SPON1: variants seen among roughly 807,000 people sequenced by gnomAD.
SPON1 encodes spondin 1.
In SPON1, 52 loss-of-function variants were observed where a neutral mutation model predicts 111.7. That is an observed-to-expected ratio of 0.47 (90% CI 0.37 to 0.59). The LOEUF is 0.59. SPON1 is among the 20% of genes least tolerant of loss of function. The pLI, the probability that SPON1 is intolerant of heterozygous loss-of-function variation, is 0.00. For synonymous variants in SPON1, 410 were observed against 395.8 expected, an observed-to-expected ratio of 1.04 and a Z score of -0.43; for missense variants, 957 against 1,068.5, an observed-to-expected ratio of 0.90 and a Z score of 1.46.
At chr11:14,217,691 C>T (rs930359822) in intron 6 of SPON1, among the ~76,000 whole-genome samples, 8 of 151,724 alleles carry the variant, frequency 5.3e-5, no homozygotes, top group African/African-American at 1.7e-4. Flanking sequence ...ATTTGTGCCA[C>T]TTATTAGCTC....
chr11:14,180,187 C>G (rs1848222157), intron 6 of SPON1, among the ~76,000 whole-genome samples: 1 of 152,148 alleles, frequency 6.6e-6, no homozygotes, highest in East Asian at 1.9e-4. Context: ...CAGGACATTC[C>G]CAGGCAAACC....
chr11:14,077,728 G>A (rs12365851), intron 4 of SPON1, among the ~76,000 whole-genome samples: 10,743 of 151,572 alleles, frequency 0.071, 499 homozygotes, highest in South Asian at 0.19. Flanking sequence ...CAAGTGATCC[G>A]CTCATCTCTG....
intron 5 of SPON1, among the ~76,000 whole-genome samples, chr11:14,120,738 A>G (rs1481376172): frequency 2.0e-5 from 3 of 152,178 alleles, no homozygotes; most frequent in Non-Finnish European, 4.4e-5. Context: ...TAAAATATTA[A>G]TATTTAAAAT....
intron 2 of SPON1, among the ~76,000 whole-genome samples, chr11:14,034,434 T>C (rs1848579966): frequency 6.6e-6 from 1 of 152,140 alleles, no homozygotes; most frequent in African/African-American, 2.4e-5. Flanking sequence ...TGAGAGCAGG[T>C]TCTGATAGTG....
chr11:14,195,880 C>G (rs1848395334), intron 6 of SPON1, among the ~76,000 whole-genome samples: 1 of 152,086 alleles, frequency 6.6e-6, no homozygotes, highest in Non-Finnish European at 1.5e-5. Flanking sequence ...TAATGAATAC[C>G]TAAGGATCAT....
chr11:14,110,408 C>A (rs1554925337), intron 5 of SPON1, among the ~76,000 whole-genome samples: 1 of 152,098 alleles, frequency 6.6e-6, no homozygotes, highest in Non-Finnish European at 1.5e-5. Flanking sequence ...CTCCTGGTAC[C>A]AAAATCTGTG....
chr11:14,085,080 C>G (rs1848995428), intron 5 of SPON1, among the ~76,000 whole-genome samples: 1 of 152,030 alleles, frequency 6.6e-6, no homozygotes, highest in African/African-American at 2.4e-5. Flanking sequence ...AAAATTTTCT[C>G]CCACTCTGTA....
In SPON1 at chr11:14,059,876, G is replaced by T. The variant is rs78725014; in HGVS notation, c.480-15469G>T. On this transcript the variant is annotated intron_variant, in intron 3 of 15. Transcript: ENST00000576479. The stretch of plus-strand genomic sequence containing the variant: ...ATCAATACAGATGCTTCTGCTAATT[G>T]TGTTGTCAAGAAGGTCCTTGACTGG... Among the ~76,000 whole-genome samples the T allele has an allele frequency of 7.0e-3, 1,060 of 152,258 alleles. 23 individuals carry two copies. The highest frequency in any genetic ancestry group is 0.025 in the African/African-American group (1,020 of 41,536).
chr11:14,193,250 T>C (rs974197912), intron 6 of SPON1, among the ~76,000 whole-genome samples: 1 of 152,052 alleles, frequency 6.6e-6, no homozygotes, highest in Admixed American at 6.5e-5. Flanking sequence ...GGTCCTGAGA[T>C]TCTAAGATCA....
intron 6 of SPON1, among the ~76,000 whole-genome samples, chr11:14,166,651 G>T (rs1848033394): frequency 6.6e-6 from 1 of 152,094 alleles, no homozygotes; most frequent in South Asian, 2.1e-4. Flanking sequence ...CAATTGACTA[G>T]GAATTTGGGT....
chr11:14,181,547 A>G (rs1365224190), intron 6 of SPON1, among the ~76,000 whole-genome samples: 2 of 152,234 alleles, frequency 1.3e-5, no homozygotes, highest in Non-Finnish European at 2.9e-5. Flanking sequence ...AAATGAGGAA[A>G]GTTTGGAATA....
intron 6 of SPON1, among the ~76,000 whole-genome samples, chr11:14,233,478 C>A (rs999345952): frequency 6.6e-6 from 1 of 152,224 alleles, no homozygotes; most frequent in Non-Finnish European, 1.5e-5. Flanking sequence ...ATGTTCCAGT[C>A]CCATCACACT....
At chr11:14,250,208 T>C (rs1554940563) in intron 7 of SPON1, among the ~76,000 whole-genome samples, 1 of 152,224 alleles carries the variant, frequency 6.6e-6, no homozygotes, top group South Asian at 2.1e-4. Context: ...GTACTGCTGT[T>C]TTCATTTTAC....
At chr11:13,977,714 A>G (rs1279461236) in intron 1 of SPON1, among the ~76,000 whole-genome samples, 3 of 97,724 alleles carry the variant, frequency 3.1e-5, no homozygotes, top group African/African-American at 1.0e-4. Flanking sequence ...CTTTATTGTT[A>G]GTGCTTTTTT....
chr11:14,037,509 C>A (rs1483994513), intron 2 of SPON1, among the ~76,000 whole-genome samples: 1 of 136,460 alleles, frequency 7.3e-6, no homozygotes, highest in Non-Finnish European at 1.5e-5. Flanking sequence ...GGTGCTGAAA[C>A]AACTGCATAT....
intron 6 of SPON1, among the ~76,000 whole-genome samples, chr11:14,179,165 A>G (rs1848212074): frequency 6.6e-6 from 1 of 152,158 alleles, no homozygotes. Context: ...AGCCATTGGG[A>G]TTTGCACACA....
intron 2 of SPON1, among the ~76,000 whole-genome samples, chr11:14,024,956 G>A (rs1369446218): frequency 6.6e-6 from 1 of 152,216 alleles, no homozygotes; most frequent in Non-Finnish European, 1.5e-5. Context: ...CATATCATCT[G>A]AATTCCTCAT....
At chr11:14,092,113 C>G (rs1849064306) in intron 5 of SPON1, among the ~76,000 whole-genome samples, 1 of 152,252 alleles carries the variant, frequency 6.6e-6, no homozygotes, top group African/African-American at 2.4e-5. Flanking sequence ...CAGACCAGAG[C>G]TGTTCCTATT....
At chr11:14,003,889 A>G (rs978147318) in intron 2 of SPON1, among the ~76,000 whole-genome samples, 2 of 152,126 alleles carry the variant, frequency 1.3e-5, no homozygotes, top group Non-Finnish European at 2.9e-5. Context: ...TTCATCCTAT[A>G]TAACTGTTAT....
Sources: gnomAD v4.1 joint callset for allele counts (sites outside exome capture counted in the v4.1 genomes callset) on GRCh38, gnomAD v4.1.1 for gene constraint, MANE v1.5 for transcripts, NCBI Gene and HGNC (gene_info 2026-07-23, HGNC 2026-07-21) for gene names.